PDE8A: variants seen among roughly 807,000 people sequenced by gnomAD.
PDE8A encodes the protein phosphodiesterase 8A.
A neutral mutation model predicts 105.0 loss-of-function variants in PDE8A; 59 were observed. The ratio of observed to expected loss-of-function variants is 0.56; its 90% confidence interval spans 0.46 to 0.70. The LOEUF (loss-of-function observed/expected upper bound fraction) is 0.70. PDE8A is among the 30% of genes least tolerant of loss of function. PDE8A has a pLI of 0.00. For synonymous variants in PDE8A, 355 were observed against 371.9 expected, an observed-to-expected ratio of 0.95 and a Z score of 0.52; for missense variants, 1,014 against 1,045.9, an observed-to-expected ratio of 0.97 and a Z score of 0.42.
chr15:85,111,504 C>T (rs1488982949), intron 12 of PDE8A, among the ~76,000 whole-genome samples: 1 of 152,192 alleles, frequency 6.6e-6, no homozygotes, highest in African/African-American at 2.4e-5. Flanking sequence ...TATAAATCAG[C>T]TTACTACGAA....
intron 1 of PDE8A, among the ~76,000 whole-genome samples, chr15:85,047,582 A>C (rs1204464446): frequency 1.3e-5 from 2 of 152,212 alleles, no homozygotes; most frequent in Non-Finnish European, 2.9e-5. Context: ...ATATTGCTAA[A>C]ATTTTTACGT....
intron 1 of PDE8A, among the ~76,000 whole-genome samples, chr15:84,990,474 G>T (rs4843013): frequency 6.6e-6 from 1 of 152,122 alleles, no homozygotes; most frequent in African/African-American, 2.4e-5. Flanking sequence ...CATGTAAATA[G>T]AACCTTACAG....
In PDE8A at chr15:85,113,410, G is replaced by A. The variant is rs748321768; in HGVS notation, c.1148G>A (p.Arg383Gln). ...SSQRRHSSMA[R>Q]IHSMTIEAPI... Reference sequence around the variant, plus strand: ...CAGAGACGACACTCTTCCATGGCCCGGATACATTCCATGACAATTGAGGCG... The same window carrying A: ...CAGAGACGACACTCTTCCATGGCCCAGATACATTCCATGACAATTGAGGCG... Residue 383 changes from arginine to glutamine, a missense_variant, in exon 13 of 22, where the codon CGG becomes CAG. By Grantham distance (43) the Arg-to-Gln change is conservative (BLOSUM62 1). Transcript: ENST00000394553. The A allele has an allele frequency of 5.3e-5, 86 of 1,613,972 alleles. No individual in the cohort carries two copies. Among genetic ancestry groups the A allele is most frequent in the East Asian group, 4.5e-4 (20 of 44,892 alleles).
At chr15:84,993,589 T>A (rs893020542) in intron 1 of PDE8A, among the ~76,000 whole-genome samples, 2 of 150,396 alleles carry the variant, frequency 1.3e-5, no homozygotes, top group Non-Finnish European at 3.0e-5. Context: ...AATTAAAAAC[T>A]TTTTTGGGCT....
At chr15:85,051,059 T>C (rs924004785) in intron 1 of PDE8A, among the ~76,000 whole-genome samples, 1 of 152,210 alleles carries the variant, frequency 6.6e-6, no homozygotes, top group Non-Finnish European at 1.5e-5. Context: ...CCTTATTCTT[T>C]TTGATGCTAT....
At chr15:85,092,440 T>C (rs918256627) in intron 8 of PDE8A, among the ~76,000 whole-genome samples, 26 of 151,882 alleles carry the variant, frequency 1.7e-4, no homozygotes, top group African/African-American at 6.0e-4. Flanking sequence ...AGGTGCACCA[T>C]GTAGGTGAGG....
At position 85,052,348 on chromosome 15, in the gene PDE8A, G is replaced by T. The variant is rs368328955; in HGVS notation, c.187-12022G>T. Among the ~76,000 whole-genome samples, 61 of 152,262 alleles carry T rather than the reference G, an allele frequency of 4.0e-4. 1 individual carries two copies. In the East Asian group the frequency reaches 5.0e-3, roughly 13 times the overall value. On this transcript the variant is annotated intron_variant, in intron 1 of 21. Transcript: ENST00000394553. ...TTTGGGTATATACCCAGTAATGGGA[G>T]GGCTGGGTCAAATGGTATTTCTAGT...
rs1432757706 is a variant in PDE8A, at chr15:85,075,928, C to G, written c.491+10C>G. 2 of 1,502,230 alleles carry G rather than the reference C, an allele frequency of 1.3e-6. No individual in the cohort carries two copies. Among genetic ancestry groups the G allele is most frequent in the Non-Finnish European group, 9.2e-7 (1 of 1,085,994 alleles). The allele number at this position is 1,502,230 out of a possible 1,614,324, so 93.1% of individuals were successfully genotyped here. ...TTGGTGTAGTACGCAGGTAAACTTTCATTTTTTTAATGTTGAAATTGAGGT... is the reference window on the plus strand; with the variant it reads ...TTGGTGTAGTACGCAGGTAAACTTTGATTTTTTTAATGTTGAAATTGAGGT... On this transcript the variant is annotated intron_variant, in intron 4 of 21. Coordinates refer to ENST00000394553, the MANE Select transcript of PDE8A (RefSeq NM_002605.3).
At position 84,992,168 on chromosome 15, in the gene PDE8A, T is replaced by C. The variant is rs758105690; in HGVS notation, c.186+9820T>C. The stretch of plus-strand genomic sequence containing the variant: ...ACAGGCCCTGCTCTCAGGGAACAAT[T>C]AGTCCTTTCTGGAAAGGTGGGGTAG... On this transcript the variant is annotated intron_variant, in intron 1 of 21. Transcript: ENST00000394553. Among the ~76,000 whole-genome samples, 8 of 152,168 alleles carry C rather than the reference T, an allele frequency of 5.3e-5. No individual in the cohort carries two copies. The South Asian group carries it at 1.2e-3, about 24-fold the overall frequency.
intron 1 of PDE8A, among the ~76,000 whole-genome samples, chr15:84,993,442 CAAAAAAAAAAAA>C (rs11362736): frequency 1.4e-5 from 1 of 73,116 alleles, no homozygotes; most frequent in Non-Finnish European, 2.5e-5. Flanking sequence ...GACTCCATCT[CAAAAAAAAAAAA>C]AAAAAAAAAA....
chr15:84,996,217 C>T (rs2079973499), intron 1 of PDE8A, among the ~76,000 whole-genome samples: 1 of 151,740 alleles, frequency 6.6e-6, no homozygotes, highest in Admixed American at 6.6e-5. Flanking sequence ...CAGGGTCTTG[C>T]TCTGTTGCCC....
rs2081983966 is a variant in PDE8A, at chr15:85,109,001, A to G, written c.1037-52A>G. The G allele has an allele frequency of 3.2e-6, 4 of 1,268,164 alleles. No homozygotes were observed. The South Asian group carries it at 3.8e-5, about 12-fold the overall frequency. The allele number at this position is 1,268,164 out of a possible 1,614,324, so 78.6% of individuals were successfully genotyped here. On this transcript the variant is annotated intron_variant, in intron 11 of 21. Transcript: ENST00000394553. ...AAATTTTAGATTGGTAACCTTCCTT[A>G]ATATGTTGTTTAAATATCTTTGAAG...
chr15:85,137,017 A>G (rs2082421525), intron 21 of PDE8A, among the ~76,000 whole-genome samples: 1 of 152,188 alleles, frequency 6.6e-6, no homozygotes. Flanking sequence ...GCCTCACTCT[A>G]CACAAGACCA....
intron 1 of PDE8A, among the ~76,000 whole-genome samples, chr15:85,051,963 C>T (rs143191513): frequency 0.026 from 3,846 of 148,118 alleles, 174 homozygotes; most frequent in African/African-American, 0.089. Flanking sequence ...TAATGCTATC[C>T]CCTCCCCCCT....
Position 85,137,939 on chromosome 15 carries a change from C to G in PDE8A, c.*36C>G. On this transcript the variant is annotated 3_prime_UTR_variant, in exon 22 of 22. Coordinates refer to ENST00000394553, the MANE Select transcript of PDE8A (RefSeq NM_002605.3). ...CACCCAGAGCCCTGAAGCTTTGTTC[C>G]TTCGGTCATTTGGAATTCCTGAGGG... is the stretch of plus-strand genomic sequence containing the variant. 7.4e-7 allele frequency: 1 copy of G among 1,342,612 alleles called. No homozygotes were observed. The highest frequency in any genetic ancestry group is 1.1e-6 in the Non-Finnish European group (1 of 935,182). The allele number at this position is 1,342,612 out of a possible 1,614,324, so 83.2% of individuals were successfully genotyped here. A position where few individuals can be genotyped will look rare whatever the true frequency, so the allele number is the denominator to read the frequency against.
At chr15:85,135,961 A>G (rs2141661647) in intron 20 of PDE8A, among the ~76,000 whole-genome samples, 1 of 152,278 alleles carries the variant, frequency 6.6e-6, no homozygotes, top group Admixed American at 6.5e-5. Context: ...CCTTCCTTGT[A>G]AAGTGGCCCC....
At chr15:85,082,260 T>C (rs1378242207) in intron 5 of PDE8A, among the ~76,000 whole-genome samples, 1 of 152,208 alleles carries the variant, frequency 6.6e-6, no homozygotes, top group African/African-American at 2.4e-5. Context: ...GGCTCTGTTT[T>C]GGCCTATAGG....
chr15:85,030,474 T>G (rs899188095), intron 1 of PDE8A, among the ~76,000 whole-genome samples: 3 of 152,108 alleles, frequency 2.0e-5, no homozygotes, highest in African/African-American at 7.2e-5. Flanking sequence ...TCTAAAAACC[T>G]GAGAGCTATT....
At chr15:85,081,452 G>A (rs1255222443) in intron 5 of PDE8A, among the ~76,000 whole-genome samples, 1 of 152,176 alleles carries the variant, frequency 6.6e-6, no homozygotes, top group African/African-American at 2.4e-5. Flanking sequence ...ACTGGGAGAG[G>A]CCTAGCAAAG....
Sources: gnomAD v4.1 joint callset for allele counts (sites outside exome capture counted in the v4.1 genomes callset) on GRCh38, gnomAD v4.1.1 for gene constraint, MANE v1.5 for transcripts, NCBI Gene and HGNC (gene_info 2026-07-23, HGNC 2026-07-21) for gene names.